NAF1: variants seen among roughly 807,000 people sequenced by gnomAD.
NAF1 encodes the protein H/ACA ribonucleoprotein complex non-core subunit NAF1.
Under a neutral mutation model 40.6 loss-of-function variants are expected in NAF1, and 11 were observed. The observed-to-expected ratio is 0.27, with a 90% confidence interval of 0.17 to 0.45. NAF1 has a LOEUF of 0.45. Ranked by LOEUF, NAF1 falls within the 20% of genes least tolerant of loss-of-function variation. The pLI, the probability that NAF1 is intolerant of heterozygous loss-of-function variation, is 1.00. For missense variants in NAF1, 607 were observed against 611.1 expected (o/e 0.99, Z 0.07); for synonymous variants, 260 against 228.5 (o/e 1.14, Z -1.24).
At chr4:163,162,938 T>TTAGA (rs1560809869) in intron 2 of NAF1, among the ~76,000 whole-genome samples, 2 of 152,150 alleles carry the variant, frequency 1.3e-5, no homozygotes, top group Non-Finnish European at 2.9e-5. Flanking sequence ...TTCAGAAAAA[T>TTAGA]ACCTAAACAA....
chr4:163,126,149 A>G (rs187110828), downstream of NAF1, among the ~76,000 whole-genome samples: 9 of 152,340 alleles, frequency 5.9e-5, 1 homozygote, highest in Admixed American at 3.9e-4. Context: ...CATCCATTCC[A>G]TAGCCCATGG....
At chr4:163,115,418 G>A (rs1294485550) in intron 2 of NAF1, among the ~76,000 whole-genome samples, 2 of 151,590 alleles carry the variant, frequency 1.3e-5, no homozygotes, top group South Asian at 2.1e-4. Flanking sequence ...CCGTGGTCTC[G>A]ATCTCCTGAC....
chr4:163,161,264 G>A (rs1174423674), intron 2 of NAF1, among the ~76,000 whole-genome samples: 1 of 152,144 alleles, frequency 6.6e-6, no homozygotes, highest in East Asian at 1.9e-4. Context: ...CCTGAGGTAA[G>A]AAGTTTGAGA....
rs1732464004 is a variant in NAF1, at chr4:163,166,357, C to T, written c.365+6G>A. ...CCCACAGCTCCGGGTCCCTTAGGCA[C>T]CCGACCTGTCCGAGTCCGAATCCGA... On this transcript the variant is annotated splice_donor_region_variant and intron_variant, in intron 1 of 7. Coordinates refer to ENST00000274054, the MANE Select transcript of NAF1 (RefSeq NM_138386.3). 2.5e-6 allele frequency: 4 copies of T among 1,586,508 alleles called. No homozygotes were observed. The highest frequency in any genetic ancestry group is 3.4e-6 in the Non-Finnish European group (4 of 1,165,930).
downstream of NAF1, among the ~76,000 whole-genome samples, chr4:163,126,373 C>T (rs1231254331): frequency 6.6e-6 from 1 of 152,034 alleles, no homozygotes; most frequent in Non-Finnish European, 1.5e-5. Flanking sequence ...AAGTTGATTC[C>T]AACCCTCATT....
At chr4:163,129,793 G>A (rs1035818980) in intron 7 of NAF1, among the ~76,000 whole-genome samples, 5 of 152,106 alleles carry the variant, frequency 3.3e-5, no homozygotes, top group African/African-American at 9.7e-5. Context: ...CTCCACTGGC[G>A]GCAACCCAGT....
chr4:163,133,006 C>A lies in NAF1; in HGVS notation c.1033+148G>T, dbSNP rs113122640. 8.7e-5 allele frequency: 55 copies of A among 629,772 alleles called. No individual in the cohort carries two copies. The African/African-American group carries it at 9.9e-4, about 11-fold the overall frequency. 39.0% of individuals were successfully genotyped at this position (629,772 alleles called of 1,614,324 possible). On this transcript the variant is annotated intron_variant, in intron 7 of 7. Coordinates refer to ENST00000274054, the MANE Select transcript of NAF1 (RefSeq NM_138386.3). The stretch of plus-strand genomic sequence containing the variant: ...TGCTTAAGCTCATAAAACTACCACA[C>A]CTCCTGCTATGTAATGGCTCTAAAT...
intron 6 of NAF1, chr4:163,135,337 T>A (rs1731014110): frequency 6.6e-6 from 1 of 152,196 alleles, no homozygotes; most frequent in African/African-American, 2.4e-5. Context: ...CCCAAGATAC[T>A]TAATGATCCA....
At chr4:163,130,359 A>G (rs1235474504) in intron 7 of NAF1, among the ~76,000 whole-genome samples, 1 of 152,232 alleles carries the variant, frequency 6.6e-6, no homozygotes, top group Non-Finnish European at 1.5e-5. Context: ...AAAAAATTAA[A>G]ATTACAAAGT....
intron 1 of NAF1, 37 bp from the exon 2 acceptor site, chr4:163,164,428 A>T (rs756013328): frequency 1.5e-6 from 2 of 1,347,830 alleles, no homozygotes; most frequent in South Asian, 3.1e-5. Context: ...ATAGTCCAGT[A>T]TTATTATACT....
chr4:163,140,581 C>T (rs1283723988), intron 4 of NAF1, among the ~76,000 whole-genome samples, 198 bp from the exon 5 acceptor site: 3 of 152,160 alleles, frequency 2.0e-5, no homozygotes, highest in Admixed American at 6.5e-5. Flanking sequence ...AAAATGCACT[C>T]GCTCATTCCA....
chr4:163,133,940 A>G (rs944653236), intron 6 of NAF1, among the ~76,000 whole-genome samples: 17 of 152,140 alleles, frequency 1.1e-4, no homozygotes, highest in African/African-American at 3.6e-4. Context: ...ACCATGCCCA[A>G]CTAATTTTTG....
At chr4:163,148,994 G>T (rs1285082768) in intron 2 of NAF1, among the ~76,000 whole-genome samples, 9 of 152,010 alleles carry the variant, frequency 5.9e-5, no homozygotes, top group Non-Finnish European at 1.3e-4. Flanking sequence ...AAAGAATATA[G>T]GCTTTAGCCT....
At chr4:163,159,221 ATAT>A (rs1468634339) in intron 2 of NAF1, among the ~76,000 whole-genome samples, 1 of 152,126 alleles carries the variant, frequency 6.6e-6, no homozygotes, top group Non-Finnish European at 1.5e-5. Flanking sequence ...CTTTATTGAA[ATAT>A]TCTGTAAGAT....
intron 4 of NAF1, among the ~76,000 whole-genome samples, chr4:163,143,198 G>A (rs1214537249): frequency 1.3e-5 from 2 of 151,992 alleles, no homozygotes; most frequent in African/African-American, 2.4e-5. Flanking sequence ...CTTGGCTCTA[G>A]GTGATAATAC....
intron 6 of NAF1, chr4:163,135,901 T>C (rs1731038018): frequency 6.6e-6 from 1 of 152,240 alleles, no homozygotes; most frequent in East Asian, 1.9e-4. Flanking sequence ...TAAGATGCTA[T>C]AGATACTCTA....
downstream of NAF1, among the ~76,000 whole-genome samples, chr4:163,106,032 C>G (rs1371653864): frequency 6.6e-6 from 1 of 152,086 alleles, no homozygotes; most frequent in Non-Finnish European, 1.5e-5. Flanking sequence ...TTAGTCTAAT[C>G]ATTTAAAGGA....
At chr4:163,157,972 A>G (rs1234766838) in intron 2 of NAF1, among the ~76,000 whole-genome samples, 1 of 152,162 alleles carries the variant, frequency 6.6e-6, no homozygotes, top group Admixed American at 6.5e-5. Context: ...ATTGAGCAAA[A>G]AAGAGTATCA....
chr4:163,151,687 CATAA>C (rs1731714596), intron 2 of NAF1, among the ~76,000 whole-genome samples: 2 of 152,048 alleles, frequency 1.3e-5, no homozygotes, highest in Admixed American at 6.6e-5. Flanking sequence ...TTACCCAATC[CATAA>C]ATATTTTTCC....
Sources: allele counts gnomAD v4.1 joint callset (sites outside exome capture counted in the v4.1 genomes callset), GRCh38; gene constraint gnomAD v4.1.1; transcripts MANE v1.5; gene names NCBI Gene and HGNC (gene_info 2026-07-23, HGNC 2026-07-21).